WBP4: variants seen among roughly 807,000 people sequenced by gnomAD.
WBP4 encodes the protein WW domain binding protein 4, also known as WW domain-binding protein 4.
WBP4 carries 37 observed loss-of-function variants against 55.4 expected under a neutral mutation model. The observed-to-expected ratio is 0.67, with a 90% CI of 0.51 to 0.88. The LOEUF is 0.88. Among genes scored for constraint, WBP4 ranks in the 40% least tolerant of loss-of-function variants. The probability of loss-of-function intolerance (pLI) is 0.00; values close to 1 mark genes in which losing one functional copy is unlikely to be tolerated. For missense variants in WBP4, 398 were observed against 420.8 expected (o/e 0.95, Z 0.47); for synonymous variants, 142 against 140.2 (o/e 1.01, Z -0.09).
At chr13:41,077,699 CTGTT>C (rs1416666402) in intron 8 of WBP4, among the ~76,000 whole-genome samples, 1 of 152,144 alleles carries the variant, frequency 6.6e-6, no homozygotes, top group Non-Finnish European at 1.5e-5. Flanking sequence ...CAAACTATCT[CTGTT>C]TGCTGATTAA....
chr13:41,071,613 T>C, intron 6 of WBP4, 40 bp downstream of exon 6: 1 of 1,546,290 alleles, frequency 6.5e-7, no homozygotes, highest in African/African-American at 1.4e-5. Flanking sequence ...TTTTATTCTT[T>C]ACAGTGATTC....
Position 41,077,728 on chromosome 13 carries a change from T to C in WBP4, c.756+1491T>C, listed in dbSNP as rs1048402312. Among the ~76,000 whole-genome samples, 5 of 152,124 alleles carry C rather than the reference T, an allele frequency of 3.3e-5. 1 individual carries two copies. Among genetic ancestry groups the C allele is most frequent in the Non-Finnish European group, 5.9e-5 (4 of 68,022 alleles). ...TTGCTGATTAAATGATCTTACTACC[T>C]AGAAAACCCTAAAGACCCCTCCAAA... On this transcript the variant is annotated intron_variant, in intron 8 of 9. Transcript: ENST00000379487.
Position 41,062,695 on chromosome 13 carries a change from C to T in WBP4, c.54C>T (p.Cys18=). The change falls in exon 2 of 10, where the codon TGC becomes TGT. Residue 18 remains cysteine (C), a synonymous_variant. Coordinates refer to ENST00000379487, the MANE Select transcript of WBP4 (RefSeq NM_007187.5). ...AGAAATTCTGTGATTACTGCAAGTG[C>T]TGGATAGCAGACAATAGGCCTGTAT... ...QPKKFCDYCK[C]WIADNRPSVE... is the part of the protein sequence containing the mutation. 1 of 1,613,586 alleles carries T rather than the reference C, an allele frequency of 6.2e-7. No individual in the cohort carries two copies.
At chr13:41,081,270 A>G (rs1428835895) in intron 9 of WBP4, among the ~76,000 whole-genome samples, 1 of 151,910 alleles carries the variant, frequency 6.6e-6, no homozygotes, top group African/African-American at 2.4e-5. Flanking sequence ...AGGCCAAGGC[A>G]GGCAGATCAA....
chr13:41,074,180 C>T (rs553556529), intron 7 of WBP4, among the ~76,000 whole-genome samples: 118 of 152,266 alleles, frequency 7.7e-4, no homozygotes, highest in Non-Finnish European at 1.4e-3. Context: ...ATCCGCCCGC[C>T]TCGGCCTCCC....
At chr13:41,067,062 C>T (rs968337406) in intron 4 of WBP4, among the ~76,000 whole-genome samples, 3 of 152,142 alleles carry the variant, frequency 2.0e-5, no homozygotes, top group Admixed American at 1.3e-4. Context: ...AATCATGGCT[C>T]ACTGTAGCCT....
At chr13:41,075,533 C>T (rs1390408023) in intron 7 of WBP4, among the ~76,000 whole-genome samples, 1 of 152,150 alleles carries the variant, frequency 6.6e-6, no homozygotes, top group East Asian at 1.9e-4. Flanking sequence ...AGGAATATGG[C>T]ATGATGCCTG....
At chr13:41,080,212 A>G (rs1019552331) in intron 8 of WBP4, among the ~76,000 whole-genome samples, 2 of 152,218 alleles carry the variant, frequency 1.3e-5, no homozygotes, top group Non-Finnish European at 2.9e-5. Context: ...GTTATTTTTT[A>G]AAAGATAAAT....
chr13:41,061,723 C>T (rs761522646), intron 1 of WBP4, 48 bp downstream of exon 1: 2 of 1,612,700 alleles, frequency 1.2e-6, no homozygotes, highest in Non-Finnish European at 1.7e-6. Context: ...TTTCTCTGGG[C>T]CGCCCTTTCT....
chr13:41,081,888 A>C (rs1878795311), intron 9 of WBP4, among the ~76,000 whole-genome samples: 1 of 152,210 alleles, frequency 6.6e-6, no homozygotes, highest in Non-Finnish European at 1.5e-5. Context: ...TGTGTTTTTC[A>C]ACAGGTTTTA....
chr13:41,070,662 G>T (rs967229190), intron 5 of WBP4, among the ~76,000 whole-genome samples: 1 of 152,100 alleles, frequency 6.6e-6, no homozygotes, highest in African/African-American at 2.4e-5. Flanking sequence ...GCAAAATTGA[G>T]TCTGGGGATG....
chr13:41,065,148 T>A lies in WBP4; in HGVS notation c.139-16T>A. The A allele has an allele frequency of 6.2e-7, 1 of 1,606,716 alleles. No homozygotes were observed. The highest frequency in any genetic ancestry group is 8.5e-7 in the Non-Finnish European group (1 of 1,178,140). On this transcript the variant is annotated splice_polypyrimidine_tract_variant and intron_variant, in intron 3 of 9. Coordinates refer to ENST00000379487, the MANE Select transcript of WBP4 (RefSeq NM_007187.5). Reference sequence around the variant, plus strand: ...GTCCTTTATCTCACTTTCACTGTTATGTATGTCTTACATAGATTAAACAGA... The same window carrying A: ...GTCCTTTATCTCACTTTCACTGTTAAGTATGTCTTACATAGATTAAACAGA...
Position 41,083,762 on chromosome 13 carries a change from A to T in WBP4, c.*848A>T, listed in dbSNP as rs1364729451. ...AAAATAGTATAAGGTCTCCAGCTTCAGTAAAAGTTTTTAGTGTTTACTTAA... is the reference window on the plus strand; with the variant it reads ...AAAATAGTATAAGGTCTCCAGCTTCTGTAAAAGTTTTTAGTGTTTACTTAA... On this transcript the variant is annotated 3_prime_UTR_variant, in exon 10 of 10. Coordinates refer to ENST00000379487, the MANE Select transcript of WBP4 (RefSeq NM_007187.5). The T allele has an allele frequency of 6.6e-6, 1 of 152,224 alleles. No homozygotes were observed. The highest frequency in any genetic ancestry group is 1.5e-5 in the Non-Finnish European group (1 of 68,036). The allele number at this position is 152,224 out of a possible 1,614,324, so 9.4% of individuals were successfully genotyped here.
At chr13:41,071,021 C>G (rs1160375134) in intron 5 of WBP4, among the ~76,000 whole-genome samples, 1 of 152,140 alleles carries the variant, frequency 6.6e-6, no homozygotes, top group Non-Finnish European at 1.5e-5. Flanking sequence ...AATTAGAAGT[C>G]TTTCTCAAAT....
chr13:41,066,418 C>CT (rs1029971447), intron 4 of WBP4, among the ~76,000 whole-genome samples: 2 of 152,066 alleles, frequency 1.3e-5, no homozygotes, highest in African/African-American at 4.8e-5. Context: ...TTCTTTAGAT[C>CT]TTTTTTTAAA....
At chr13:41,070,658 T>C (rs1340019822) in intron 5 of WBP4, among the ~76,000 whole-genome samples, 1 of 152,004 alleles carries the variant, frequency 6.6e-6, no homozygotes, top group Non-Finnish European at 1.5e-5. Flanking sequence ...CTGAGCAAAA[T>C]TGAGTCTGGG....
chr13:41,077,610 A>G (rs1878558989), intron 8 of WBP4, among the ~76,000 whole-genome samples: 1 of 152,222 alleles, frequency 6.6e-6, no homozygotes, highest in Admixed American at 6.5e-5. Flanking sequence ...CTCCTTTTCA[A>G]CATAATATTG....
chr13:41,074,552 T>G (rs1878393391), intron 7 of WBP4, among the ~76,000 whole-genome samples: 1 of 152,236 alleles, frequency 6.6e-6, no homozygotes, highest in South Asian at 2.1e-4. Context: ...GCACAGCTTC[T>G]TTCCTTACCA....
At position 41,082,818 on chromosome 13, in the gene WBP4, T is replaced by C. The variant is rs752453874; in HGVS notation, c.1035T>C (p.Leu345=). 43 of 1,613,946 alleles carry C rather than the reference T, an allele frequency of 2.7e-5. No homozygotes were observed. Among genetic ancestry groups the C allele is most frequent in the Non-Finnish European group, 3.6e-5 (42 of 1,180,008 alleles). Residue 345 remains leucine, a synonymous_variant, in exon 10 of 10, where the codon CTT becomes CTC. Transcript: ENST00000379487. ...VVFKEKTVTS[L]GVMADGVAPV... is the part of the protein sequence containing the mutation. ...TTAAAGAAAAAACAGTCACTTCTCT[T>C]GGAGTTATGGCAGATGGAGTGGCCC...
Sources: allele counts gnomAD v4.1 joint callset (sites outside exome capture counted in the v4.1 genomes callset), GRCh38; gene constraint gnomAD v4.1.1; transcripts MANE v1.5; gene names NCBI Gene and HGNC (gene_info 2026-07-23, HGNC 2026-07-21).